DLG2: variants seen among roughly 807,000 people sequenced by gnomAD.
DLG2 encodes the protein discs large MAGUK scaffold protein 2.
In DLG2, 45 loss-of-function variants were observed where a neutral mutation model predicts 132.5. The observed-to-expected ratio is 0.34, with a 90% CI of 0.27 to 0.44. The LOEUF (loss-of-function observed/expected upper bound fraction) is 0.44, where lower values mean the gene tolerates loss of function less well. Ranked by LOEUF, DLG2 falls within the 20% of genes least tolerant of loss-of-function variation. The pLI is 1.00. For missense variants in DLG2, 1,045 were observed against 1,196.9 expected (o/e 0.87, Z 1.87); for synonymous variants, 424 against 419.6 (o/e 1.01, Z -0.13).
intron 23 of DLG2, among the ~76,000 whole-genome samples, chr11:83,472,101 T>C (rs2092108823): frequency 2.0e-5 from 3 of 152,166 alleles, no homozygotes; most frequent in Non-Finnish European, 4.4e-5. Flanking sequence ...GATATGACTA[T>C]AAAAAGTAAT....
intron 7 of DLG2, among the ~76,000 whole-genome samples, chr11:84,422,938 C>T (rs2098955315): frequency 6.6e-6 from 1 of 152,148 alleles, no homozygotes; most frequent in Non-Finnish European, 1.5e-5. Flanking sequence ...CCCAAAGTCA[C>T]TTCTCCTGCT....
intron 18 of DLG2, among the ~76,000 whole-genome samples, chr11:83,657,029 A>C (rs1470234688): frequency 6.6e-6 from 1 of 152,044 alleles, no homozygotes; most frequent in Non-Finnish European, 1.5e-5. Flanking sequence ...TGCAAATGCC[A>C]CCTCCTCTAG....
At chr11:84,919,315 T>A (rs1316806825) in intron 6 of DLG2, among the ~76,000 whole-genome samples, 1 of 152,152 alleles carries the variant, frequency 6.6e-6, no homozygotes, top group Admixed American at 6.5e-5. Flanking sequence ...AACTAAACTT[T>A]CTTAAGCTAT....
intron 7 of DLG2, among the ~76,000 whole-genome samples, chr11:84,449,563 T>C (rs2099045419): frequency 1.3e-5 from 2 of 151,838 alleles, no homozygotes; most frequent in African/African-American, 4.8e-5. Context: ...GTTAAGCATC[T>C]TTATATGAAG....
At chr11:85,343,187 G>T (rs947117733) in intron 3 of DLG2, among the ~76,000 whole-genome samples, 1 of 152,070 alleles carries the variant, frequency 6.6e-6, no homozygotes. Context: ...TATTGCATTT[G>T]GTTATAATAT....
intron 5 of DLG2, among the ~76,000 whole-genome samples, chr11:85,126,987 G>A (rs1362799821): frequency 6.6e-6 from 1 of 151,998 alleles, no homozygotes; most frequent in African/African-American, 2.4e-5. Flanking sequence ...GCAGAAAATA[G>A]GAGAGAGCTC....
intron 21 of DLG2, among the ~76,000 whole-genome samples, chr11:83,521,982 C>G (rs2095491944): frequency 6.6e-6 from 1 of 152,148 alleles, no homozygotes; most frequent in African/African-American, 2.4e-5. Context: ...AAAGAAGAGC[C>G]TCTTCAAAAA....
chr11:84,820,201 A>G (rs768204756), intron 6 of DLG2, among the ~76,000 whole-genome samples: 1 of 151,830 alleles, frequency 6.6e-6, no homozygotes, highest in Non-Finnish European at 1.5e-5. Context: ...AATCTAGGAT[A>G]TTCAGAACCA....
rs1444896748 is a variant in DLG2 at position 83,758,046 on chromosome 11, G to A, written c.1825+28644C>T. 2.0e-5 allele frequency among the ~76,000 whole-genome samples: 3 copies of A among 152,192 alleles called. No individual in the cohort carries two copies. In the East Asian group the frequency reaches 5.8e-4, roughly 29 times the overall value. On this transcript the variant is annotated intron_variant, in intron 18 of 27. Transcript: ENST00000376104. ...TTAGGCTAGAAATGGTTATATGGAAGTAATCATACAGAGATTCAAATAAAA... is the reference window on the plus strand; with the variant it reads ...TTAGGCTAGAAATGGTTATATGGAAATAATCATACAGAGATTCAAATAAAA...
intron 6 of DLG2, among the ~76,000 whole-genome samples, chr11:84,789,608 A>G (rs1207469407): frequency 6.6e-6 from 1 of 152,148 alleles, no homozygotes; most frequent in East Asian, 1.9e-4. Context: ...TTAAATTATT[A>G]TTGACTACAG....
At chr11:84,490,671 G>A (rs191014959) in intron 7 of DLG2, among the ~76,000 whole-genome samples, 296 of 142,146 alleles carry the variant, frequency 2.1e-3, no homozygotes, top group African/African-American at 6.5e-3. Flanking sequence ...AAAAAAACCC[G>A]ACAGATTTAA....
chr11:84,194,997 A>G (rs1173584177), intron 8 of DLG2, among the ~76,000 whole-genome samples: 1 of 152,068 alleles, frequency 6.6e-6, no homozygotes, highest in Non-Finnish European at 1.5e-5. Context: ...GCAGGGGGAG[A>G]TGGCTCCTGC....
intron 6 of DLG2, among the ~76,000 whole-genome samples, chr11:84,692,541 T>G (rs1212284066): frequency 6.6e-6 from 1 of 151,798 alleles, no homozygotes; most frequent in African/African-American, 2.4e-5. Flanking sequence ...AATTTCTGTT[T>G]GTAAACATAT....
At chr11:85,134,512 G>C (rs1214276685) in intron 5 of DLG2, among the ~76,000 whole-genome samples, 12 of 113,618 alleles carry the variant, frequency 1.1e-4, no homozygotes, top group South Asian at 3.0e-4. Context: ...CTGGGCAACA[G>C]AGCGAGACTC....
intron 18 of DLG2, among the ~76,000 whole-genome samples, chr11:83,759,413 A>C (rs2093800723): frequency 1.3e-5 from 2 of 152,228 alleles, no homozygotes; most frequent in African/African-American, 4.8e-5. Flanking sequence ...GATGGGGGGC[A>C]TCCAAAAGCT....
chr11:84,520,613 C>A (rs1400825291), intron 7 of DLG2, among the ~76,000 whole-genome samples: 1 of 152,238 alleles, frequency 6.6e-6, no homozygotes, highest in Admixed American at 6.5e-5. Flanking sequence ...CCTCACTGCC[C>A]AGCTCCTTTT....
At chr11:83,710,165 AC>A (rs981074496) in intron 18 of DLG2, among the ~76,000 whole-genome samples, 1 of 131,288 alleles carries the variant, frequency 7.6e-6, no homozygotes, top group African/African-American at 3.4e-5. Context: ...CAAATAAGGT[AC>A]TTTTTTTTTT....
chr11:84,514,679 TGAG>T lies in DLG2; in HGVS notation c.519+19888_519+19890del, dbSNP rs369525475. On this transcript the variant is annotated intron_variant, in intron 7 of 27. Transcript: ENST00000376104. ...AAGGTAGTTGGGGCAGGGGTGGGGG[TGAG>T]GAGGAGAGGTGGGGATGTTTAAAGT... is the stretch of plus-strand genomic sequence containing the variant. Among the ~76,000 whole-genome samples the T allele has an allele frequency of 3.2e-3, 489 of 150,824 alleles. 2 individuals are homozygous for T. The highest frequency in any genetic ancestry group is 5.7e-3 in the Non-Finnish European group (387 of 67,580).
intron 22 of DLG2, among the ~76,000 whole-genome samples, chr11:83,475,613 T>A (rs2092531723): frequency 6.6e-6 from 1 of 151,872 alleles, no homozygotes; most frequent in Admixed American, 6.6e-5. Flanking sequence ...AAGAAAAAAT[T>A]GAAGAGAGAG....
Sources: allele counts gnomAD v4.1 joint callset (sites outside exome capture counted in the v4.1 genomes callset), GRCh38; gene constraint gnomAD v4.1.1; transcripts MANE v1.5; gene names NCBI Gene and HGNC (gene_info 2026-07-23, HGNC 2026-07-21).